Variants in PCSK2 observed in about 807,000 individuals in gnomAD.
PCSK2 encodes the protein proprotein convertase subtilisin/kexin type 2, also known as neuroendocrine convertase 2.
In PCSK2, 14 loss-of-function variants were observed where a neutral mutation model predicts 69.7. The ratio of observed to expected loss-of-function variants is 0.20; its 90% CI spans 0.13 to 0.31. The LOEUF (loss-of-function observed/expected upper bound fraction) is 0.31. Ranked by LOEUF, PCSK2 falls within the 10% of genes least tolerant of loss-of-function variation. The probability of loss-of-function intolerance (pLI) is 1.00; values close to 1 mark genes in which losing one functional copy is unlikely to be tolerated. For missense variants in PCSK2, 544 were observed against 842.5 expected (o/e 0.65, Z 4.39); for synonymous variants, 307 against 320.7 (o/e 0.96, Z 0.46).
intron 2 of PCSK2, among the ~76,000 whole-genome samples, chr20:17,278,059 G>T (rs1285873994): frequency 6.6e-5 from 10 of 152,110 alleles, no homozygotes; most frequent in Admixed American, 3.9e-4. Context: ...TCATTAAAAA[G>T]TCAGGAAACA....
intron 10 of PCSK2, among the ~76,000 whole-genome samples, chr20:17,457,642 T>G (rs2032945891): frequency 6.6e-6 from 1 of 152,162 alleles, no homozygotes; most frequent in Non-Finnish European, 1.5e-5. Context: ...GAAAACAAAA[T>G]TTACTCATAT....
chr20:17,412,395 A>C (rs1042472043), intron 6 of PCSK2, among the ~76,000 whole-genome samples: 2 of 152,232 alleles, frequency 1.3e-5, no homozygotes, highest in African/African-American at 4.8e-5. Flanking sequence ...CAAAAGCTTC[A>C]ATAGCCGATT....
intron 8 of PCSK2, among the ~76,000 whole-genome samples, chr20:17,452,359 A>T (rs1245932433): frequency 6.6e-6 from 1 of 152,200 alleles, no homozygotes; most frequent in African/African-American, 2.4e-5. Flanking sequence ...GTTCCCAGCT[A>T]GTGGTTGAAT....
intron 5 of PCSK2, among the ~76,000 whole-genome samples, chr20:17,380,201 T>TA (rs951597984): frequency 5.3e-5 from 8 of 152,212 alleles, no homozygotes; most frequent in African/African-American, 1.9e-4. Context: ...TATACAGCAA[T>TA]AAAAAAACTA....
chr20:17,421,602 G>C (rs902982379), intron 6 of PCSK2, among the ~76,000 whole-genome samples: 5 of 152,062 alleles, frequency 3.3e-5, no homozygotes, highest in Admixed American at 6.6e-5. Context: ...TAGATGCAGA[G>C]AGACTGGAGA....
chr20:17,327,887 T>C (rs552564342), intron 2 of PCSK2, among the ~76,000 whole-genome samples: 10 of 152,342 alleles, frequency 6.6e-5, no homozygotes, highest in African/African-American at 2.4e-4. Context: ...AATTCAGTGC[T>C]TCCAAATTTA....
intron 8 of PCSK2, among the ~76,000 whole-genome samples, chr20:17,441,940 ATAAT>A (rs1269569941): frequency 1.3e-5 from 2 of 151,582 alleles, no homozygotes; most frequent in East Asian, 1.9e-4. Flanking sequence ...CATTGCAGAT[ATAAT>A]TAATTAAGAT....
intron 6 of PCSK2, among the ~76,000 whole-genome samples, chr20:17,422,767 G>A (rs1194379257): frequency 6.6e-6 from 1 of 152,100 alleles, no homozygotes; most frequent in South Asian, 2.1e-4. Flanking sequence ...GAGATTGTAG[G>A]GTTAGCATAC....
chr20:17,372,542 A>T (rs76609475), intron 5 of PCSK2, among the ~76,000 whole-genome samples: 5,155 of 152,290 alleles, frequency 0.034, 176 homozygotes, highest in African/African-American at 0.09. Flanking sequence ...GACAATGTCT[A>T]TGCTGAACTT....
At chr20:17,346,073 C>T (rs772339829) in intron 2 of PCSK2, among the ~76,000 whole-genome samples, 12 of 152,338 alleles carry the variant, frequency 7.9e-5, no homozygotes, top group Middle Eastern at 3.4e-3. Context: ...GGCCCCCCTC[C>T]GGCACAGAAT....
intron 11 of PCSK2, among the ~76,000 whole-genome samples, chr20:17,473,894 G>A (rs2033246479): frequency 6.6e-6 from 1 of 152,188 alleles, no homozygotes; most frequent in Non-Finnish European, 1.5e-5. Flanking sequence ...CCCAGCTCCT[G>A]TGCAGGAAGC....
chr20:17,283,841 G>A (rs1464253667), intron 2 of PCSK2, among the ~76,000 whole-genome samples: 1 of 152,216 alleles, frequency 6.6e-6, no homozygotes, highest in East Asian at 1.9e-4. Context: ...TCAGCCCCAC[G>A]TCAGCTAGAG....
At chr20:17,407,814 G>A (rs1458639319) in intron 5 of PCSK2, among the ~76,000 whole-genome samples, 1 of 152,110 alleles carries the variant, frequency 6.6e-6, no homozygotes, top group Non-Finnish European at 1.5e-5. Flanking sequence ...GTTGAATGAA[G>A]ACCTAGATCC....
chr20:17,449,526 G>A (rs56756475), intron 8 of PCSK2, among the ~76,000 whole-genome samples: 11 of 130,700 alleles, frequency 8.4e-5, no homozygotes, highest in Non-Finnish European at 1.6e-4. Context: ...ATGTATGTAT[G>A]TATATATATA....
intron 11 of PCSK2, among the ~76,000 whole-genome samples, chr20:17,474,145 C>T (rs1265080728): frequency 6.6e-6 from 1 of 152,168 alleles, no homozygotes; most frequent in Non-Finnish European, 1.5e-5. Flanking sequence ...CTTCACTGGG[C>T]TATGCACCAC....
At chr20:17,358,913 T>A (rs1238937887) in intron 3 of PCSK2, among the ~76,000 whole-genome samples, 1 of 152,190 alleles carries the variant, frequency 6.6e-6, no homozygotes, top group Non-Finnish European at 1.5e-5. Context: ...TATTAATGCT[T>A]CCTAAAACAA....
intron 6 of PCSK2, among the ~76,000 whole-genome samples, chr20:17,413,382 T>C (rs1449113092): frequency 1.3e-5 from 2 of 151,968 alleles, no homozygotes; most frequent in African/African-American, 4.8e-5. Flanking sequence ...GGGTTGCAAT[T>C]CTAGTCTCTG....
Position 17,369,284 on chromosome 20 carries a change from A to C in PCSK2, c.543+7A>C, listed in dbSNP as rs1342101179. 4.3e-6 allele frequency: 7 copies of C among 1,612,802 alleles called. No homozygotes were observed. Among genetic ancestry groups the C allele is most frequent in the Non-Finnish European group, 5.9e-6 (7 of 1,178,900 alleles). On this transcript the variant is annotated splice_region_variant and intron_variant, in intron 5 of 11. Transcript: ENST00000262545. The stretch of plus-strand genomic sequence containing the variant: ...GGACCTGGCCTCCAACTATGTAAGT[A>C]CAAGCCAACTTTGGTGGGGAAACAG...
chr20:17,478,033 A>G (rs549799619), intron 11 of PCSK2, among the ~76,000 whole-genome samples: 1 of 152,324 alleles, frequency 6.6e-6, no homozygotes, highest in South Asian at 2.1e-4. Flanking sequence ...GACAAAATTT[A>G]CTACTTGTAT....
Sources: gnomAD v4.1 joint callset for allele counts (sites outside exome capture counted in the v4.1 genomes callset) on GRCh38, gnomAD v4.1.1 for gene constraint, MANE v1.5 for transcripts, NCBI Gene and HGNC (gene_info 2026-07-23, HGNC 2026-07-21) for gene names.